Variants in TBC1D2B observed in about 807,000 individuals in gnomAD.
TBC1D2B encodes TBC1 domain family, member 2B.
In TBC1D2B, 64 loss-of-function variants were observed where a neutral mutation model predicts 100.8. The observed-to-expected ratio is 0.64, with a 90% CI of 0.52 to 0.78. The LOEUF (loss-of-function observed/expected upper bound fraction) is 0.78. Ranked by LOEUF, TBC1D2B falls within the 30% of genes least tolerant of loss-of-function variation. The pLI, the probability that TBC1D2B is intolerant of heterozygous loss-of-function variation, is 0.00. For missense variants in TBC1D2B, 1,052 were observed against 1,218.4 expected, an observed-to-expected ratio of 0.86 and a Z score of 2.03; for synonymous variants, 480 against 479.7, an observed-to-expected ratio of 1.00 and a Z score of -0.01.
At chr15:78,075,323 C>T (rs536691221) in intron 1 of TBC1D2B, among the ~76,000 whole-genome samples, 2 of 152,012 alleles carry the variant, frequency 1.3e-5, no homozygotes, top group South Asian at 4.1e-4. Flanking sequence ...CTCAGCCTCC[C>T]GAATAACTGG....
intron 12 of TBC1D2B, 144 bp downstream of exon 12, chr15:78,001,475 T>C (rs2071911130): frequency 9.6e-7 from 1 of 1,045,518 alleles, no homozygotes; most frequent in Non-Finnish European, 1.3e-6. Context: ...CCTTGCTCTC[T>C]TTTCCCTGGA....
chr15:78,024,540 C>A lies in TBC1D2B; in HGVS notation c.1087-1G>T. On this transcript the variant is annotated splice_acceptor_variant, in intron 5 of 12. Coordinates refer to ENST00000300584, the MANE Select transcript of TBC1D2B (RefSeq NM_144572.2). LOFTEE classifies it high-confidence loss of function. ...TCTGCTGGAGCAGTCGAACAAGCTC[C>A]TGGGAGCCAAAAGGAGAATGGAGTG... 6.2e-7 allele frequency: 1 copy of A among 1,605,378 alleles called. No individual in the cohort carries two copies. The highest frequency in any genetic ancestry group is 8.5e-7 in the Non-Finnish European group (1 of 1,174,630).
Position 78,001,742 on chromosome 15 carries a change from T to G in TBC1D2B, c.2575-2A>C. 6.2e-7 allele frequency: 1 copy of G among 1,603,788 alleles called. No individual in the cohort carries two copies. The highest frequency in any genetic ancestry group is 8.5e-7 in the Non-Finnish European group (1 of 1,175,148). On this transcript the variant is annotated splice_acceptor_variant, in intron 11 of 12. Coordinates refer to ENST00000300584, the MANE Select transcript of TBC1D2B (RefSeq NM_144572.2). LOFTEE classifies it high-confidence loss of function. ...TGCCAGAGCAAAACGGAAAATAACC[T>G]GTGGAATAAACAGGGAAATCTGTTA...
intron 1 of TBC1D2B, among the ~76,000 whole-genome samples, chr15:78,055,889 AAGC>A (rs1414373850): frequency 6.6e-5 from 10 of 152,206 alleles, no homozygotes; most frequent in Admixed American, 6.5e-4. Flanking sequence ...CTATGACAGA[AAGC>A]AGAGCAGGCG....
Position 78,077,616 on chromosome 15 carries a change from C to T in TBC1D2B, c.37G>A (p.Gly13Ser). 9.8e-7 allele frequency: 1 copy of T among 1,022,178 alleles called. No homozygotes were observed. The highest frequency in any genetic ancestry group is 1.2e-6 in the Non-Finnish European group (1 of 854,166). The allele number at this position is 1,022,178 out of a possible 1,614,324, so 63.3% of individuals were successfully genotyped here. A position where few individuals can be genotyped will look rare whatever the true frequency, so the allele number is the denominator to read the frequency against. The change falls in exon 1 of 13, where the codon GGC (glycine) becomes AGC (serine). Residue 13 changes from glycine to serine, a missense_variant. By Grantham distance (56) the Gly-to-Ser change is moderately conservative (BLOSUM62 0). This residue lies in a region of TBC1D2B where 627 missense variants were observed against 646.1 expected (regional missense o/e 0.97). Transcript: ENST00000300584. ...CCCTGCGCCGCGCCCTCGCCGCCGC[C>T]GCCGCCCTCCTCCGCCCGGGCTCCG... The part of the protein sequence containing the change: ...GAGARAEEGG[G>S]GGEGAAQGAA...
chr15:78,029,579 A>C (rs1420248044), intron 4 of TBC1D2B, among the ~76,000 whole-genome samples: 1 of 152,236 alleles, frequency 6.6e-6, no homozygotes, highest in Non-Finnish European at 1.5e-5. Flanking sequence ...ATAATAATCC[A>C]GCTGACAGTG....
Position 78,012,444 on chromosome 15 carries a change from T to C in TBC1D2B, c.2270+379A>G, listed in dbSNP as rs140464910. 7.9e-5 allele frequency among the ~76,000 whole-genome samples: 12 copies of C among 152,350 alleles called. No individual in the cohort carries two copies. The East Asian group carries it at 2.3e-3, about 29-fold the overall frequency. On this transcript the variant is annotated intron_variant, in intron 9 of 12. Coordinates refer to ENST00000300584, the MANE Select transcript of TBC1D2B (RefSeq NM_144572.2). ...CTGAATAATTGTTTGGGGCAACCTC[T>C]TGATTCACAAAAAGATCCTGTATAC...
intron 1 of TBC1D2B, among the ~76,000 whole-genome samples, chr15:78,068,802 T>C (rs1471596803): frequency 6.6e-6 from 1 of 152,198 alleles, no homozygotes; most frequent in Admixed American, 6.5e-5. Context: ...CACTAACTAG[T>C]CACCACTACC....
chr15:78,077,310 C>G lies in TBC1D2B; in HGVS notation c.343G>C (p.Ala115Pro). The G allele has an allele frequency of 1.3e-6, 2 of 1,527,752 alleles. No individual in the cohort carries two copies. Among genetic ancestry groups the G allele is most frequent in the Non-Finnish European group, 1.8e-6 (2 of 1,139,052 alleles). 94.6% of individuals were successfully genotyped at this position (1,527,752 alleles called of 1,614,324 possible). A position where few individuals can be genotyped will look rare whatever the true frequency, so the allele number is the denominator to read the frequency against. The stretch of plus-strand genomic sequence containing the variant: ...GGTCCCACCTTGAGCACCGTGACGG[C>G]TCCCGCGCTGTGCACCTGGAAGTGC... The part of the protein sequence containing the change: ...PAHFQVHSAG[A>P]VTVLKAPNRQ... The change falls in exon 1 of 13, where the codon GCC becomes CCC. Residue 115 changes from alanine (A) to proline (P), a missense_variant. This residue lies in a region of TBC1D2B where 627 missense variants were observed against 646.1 expected (regional missense o/e 0.97). Transcript: ENST00000300584.
chr15:78,072,635 A>G (rs1396474470), intron 1 of TBC1D2B, among the ~76,000 whole-genome samples: 1 of 152,250 alleles, frequency 6.6e-6, no homozygotes, highest in South Asian at 2.1e-4. Context: ...AAACCAGTAC[A>G]CATGTCTATT....
chr15:78,007,221 G>A (rs913670612), intron 10 of TBC1D2B, among the ~76,000 whole-genome samples: 2 of 152,226 alleles, frequency 1.3e-5, no homozygotes, highest in Admixed American at 6.5e-5. Flanking sequence ...GGCAGCGTTC[G>A]AAGGCATCTT....
At chr15:78,063,451 T>C (rs896039891) in intron 1 of TBC1D2B, among the ~76,000 whole-genome samples, 3 of 152,226 alleles carry the variant, frequency 2.0e-5, no homozygotes, top group Admixed American at 6.5e-5. Flanking sequence ...TTCTCAAATA[T>C]TGAAATGCTG....
chr15:78,045,497 A>G (rs1309013537), intron 2 of TBC1D2B, among the ~76,000 whole-genome samples: 1 of 152,244 alleles, frequency 6.6e-6, no homozygotes, highest in African/African-American at 2.4e-5. Context: ...TTTCTCTAAG[A>G]AAGTGGGAGA....
At chr15:78,003,256 C>A (rs763137333) in intron 11 of TBC1D2B, 49 bp downstream of exon 11, 2 of 1,560,448 alleles carry the variant, frequency 1.3e-6, no homozygotes, top group Admixed American at 1.7e-5. Context: ...ACGCTGCTGA[C>A]GGTTGTCAAG....
At chr15:78,025,008 A>G (rs1256973080) in intron 5 of TBC1D2B, among the ~76,000 whole-genome samples, 1 of 152,190 alleles carries the variant, frequency 6.6e-6, no homozygotes, top group Admixed American at 6.5e-5. Context: ...TGGTGCAGAC[A>G]GCAACCTCCT....
intron 6 of TBC1D2B, 127 bp downstream of exon 6, chr15:78,024,029 T>C (rs1229001011): frequency 1.6e-6 from 2 of 1,229,648 alleles, no homozygotes; most frequent in Middle Eastern, 2.9e-4. Context: ...CTGTTACACT[T>C]GTGGGGAAAA....
chr15:78,073,381 A>G (rs1171298911), intron 1 of TBC1D2B, among the ~76,000 whole-genome samples: 1 of 152,256 alleles, frequency 6.6e-6, no homozygotes, highest in African/African-American at 2.4e-5. Flanking sequence ...ATAGAATAAG[A>G]AAAGTGCTGA....
rs903485037 is a variant in TBC1D2B, at chr15:78,032,417, A to AAT, written c.684-2249_684-2248dup. Among the ~76,000 whole-genome samples the AAT allele has an allele frequency of 2.3e-3, 353 of 150,366 alleles. 2 individuals carry two copies. Among genetic ancestry groups the AAT allele is most frequent in the Middle Eastern group, 0.01 (3 of 292 alleles). The stretch of plus-strand genomic sequence containing the variant: ...CAATAATATTTATAGCAATAAAAAA[A>AAT]ATATATATATATATATCCAGCACAC... On this transcript the variant is annotated intron_variant, in intron 3 of 12. Coordinates refer to ENST00000300584, the MANE Select transcript of TBC1D2B (RefSeq NM_144572.2).
At chr15:78,066,199 T>A (rs1225531341) in intron 1 of TBC1D2B, 5 of 396,378 alleles carry the variant, frequency 1.3e-5, no homozygotes, top group Non-Finnish European at 2.1e-5. Flanking sequence ...TTGGGGCCAA[T>A]GGAGAATTGG....
Sources: allele counts gnomAD v4.1 joint callset (sites outside exome capture counted in the v4.1 genomes callset), GRCh38; gene constraint gnomAD v4.1.1; regional missense constraint gnomAD v4.1.1; transcripts MANE v1.5; gene names NCBI Gene and HGNC (gene_info 2026-07-23, HGNC 2026-07-21).